ELP4: variants seen among roughly 807,000 people sequenced by gnomAD.
ELP4 encodes elongator acetyltransferase complex subunit 4.
In ELP4, 51 loss-of-function variants were observed where a neutral mutation model predicts 48.9. The observed-to-expected ratio is 1.04, with a 90% CI of 0.83 to 1.32. The LOEUF is 1.32. Among genes scored for constraint, ELP4 ranks in the 40% most tolerant of loss-of-function variants. The probability of loss-of-function intolerance (pLI) is 0.00; values close to 1 mark genes in which losing one functional copy is unlikely to be tolerated. For synonymous variants in ELP4, 210 were observed against 189.2 expected (o/e 1.11, Z -0.90); for missense variants, 519 against 514.6 (o/e 1.01, Z -0.08).
At position 31,539,739 on chromosome 11, in the gene ELP4, T is replaced by G. The variant is rs1438283719; in HGVS notation, c.337T>G (p.Leu113Val). The change falls in exon 3 of 10, where the codon TTG (leucine) becomes GTG (valine). Residue 113 changes from leucine (L) to valine (V), a missense_variant. By Grantham distance (32) the Leu-to-Val change is conservative. Coordinates refer to ENST00000640961, the MANE Select transcript of ELP4 (RefSeq NM_019040.5). ...AGAAGGAATTGTCAATGGGCATACT[T>G]TGTTGGTTGCATCTGCTAAAGAGGA... The part of the protein sequence containing the change: ...LAEGIVNGHT[L>V]LVASAKEDPA... 2.5e-6 allele frequency: 4 copies of G among 1,612,250 alleles called. No homozygotes were observed. In the African/African-American group the frequency reaches 5.3e-5, roughly 22 times the overall value.
At chr11:31,569,658 G>A (rs1331390593) in intron 3 of ELP4, among the ~76,000 whole-genome samples, 2 of 152,092 alleles carry the variant, frequency 1.3e-5, no homozygotes, top group Non-Finnish European at 2.9e-5. Context: ...CCTGGGAGGC[G>A]GAGGTTGCAA....
At chr11:31,616,060 C>T (rs1314223385) in intron 5 of ELP4, among the ~76,000 whole-genome samples, 1 of 151,960 alleles carries the variant, frequency 6.6e-6, no homozygotes, top group African/African-American at 2.4e-5. Context: ...GAAATAGAAA[C>T]AACAGATTTA....
chr11:31,601,048 G>A (rs111268955), intron 4 of ELP4, among the ~76,000 whole-genome samples: 2 of 152,018 alleles, frequency 1.3e-5, no homozygotes, highest in African/African-American at 2.4e-5. Flanking sequence ...TAAAACTAAA[G>A]CAACATGTTC....
chr11:31,537,895 TTG>T (rs1222082284), intron 2 of ELP4, among the ~76,000 whole-genome samples: 2 of 152,202 alleles, frequency 1.3e-5, no homozygotes, highest in Non-Finnish European at 2.9e-5. Context: ...TAGAATTACC[TTG>T]TCAGTTTCTC....
intron 5 of ELP4, among the ~76,000 whole-genome samples, chr11:31,625,266 T>A (rs1252381970): frequency 6.6e-6 from 1 of 151,768 alleles, no homozygotes; most frequent in Non-Finnish European, 1.5e-5. Context: ...GTTGTATACG[T>A]GGTCCATCAT....
At chr11:31,654,729 C>T (rs1945392512) in intron 9 of ELP4, 1 of 151,684 alleles carries the variant, frequency 6.6e-6, no homozygotes, top group Non-Finnish European at 1.5e-5. Context: ...ATGTTTGGTC[C>T]TAGGTTTACT....
At chr11:31,740,336 G>A (rs1417613202) in intron 9 of ELP4, among the ~76,000 whole-genome samples, 1 of 152,228 alleles carries the variant, frequency 6.6e-6, no homozygotes, top group African/African-American at 2.4e-5. Flanking sequence ...ATATATTTAA[G>A]AAGGTGAGAA....
At chr11:31,594,677 A>G (rs1311964159) in intron 3 of ELP4, 93 bp from the exon 4 acceptor site, 2 of 777,076 alleles carry the variant, frequency 2.6e-6, no homozygotes, top group Non-Finnish European at 1.9e-6. Context: ...TTTTCAATAC[A>G]TTGGAAATTT....
At chr11:31,558,775 A>G (rs1479746042) in intron 3 of ELP4, among the ~76,000 whole-genome samples, 1 of 152,154 alleles carries the variant, frequency 6.6e-6, no homozygotes, top group Non-Finnish European at 1.5e-5. Context: ...AATTTAAGAA[A>G]TTTTGTTTTG....
chr11:31,515,037 A>G (rs199623034), intron 1 of ELP4, among the ~76,000 whole-genome samples: 3,839 of 138,812 alleles, frequency 0.028, 128 homozygotes, highest in African/African-American at 0.083. Flanking sequence ...GTGTGTGTAT[A>G]TATATATATA....
At chr11:31,604,608 A>G (rs1430995276) in intron 5 of ELP4, among the ~76,000 whole-genome samples, 7 of 151,928 alleles carry the variant, frequency 4.6e-5, no homozygotes, top group African/African-American at 1.7e-4. Context: ...ACAGATTGTC[A>G]TTTATATTTT....
chr11:31,511,555 C>G (rs1359377379), intron 1 of ELP4: 1 of 152,072 alleles, frequency 6.6e-6, no homozygotes, highest in Non-Finnish European at 1.5e-5. Context: ...AATGGAGTTT[C>G]ATGTTTGAGC....
At chr11:31,694,510 C>T (rs958487098) in intron 9 of ELP4, among the ~76,000 whole-genome samples, 11 of 152,102 alleles carry the variant, frequency 7.2e-5, no homozygotes, top group Non-Finnish European at 1.6e-4. Context: ...CTGTTCTGTT[C>T]CATTGGTCTA....
chr11:31,557,015 A>G (rs1022279246), intron 3 of ELP4, among the ~76,000 whole-genome samples: 2 of 151,938 alleles, frequency 1.3e-5, no homozygotes, highest in Non-Finnish European at 3.0e-5. Context: ...ATAATTGAAA[A>G]TGAATACTCA....
At chr11:31,524,259 C>T (rs183777127) in intron 2 of ELP4, among the ~76,000 whole-genome samples, 1 of 152,280 alleles carries the variant, frequency 6.6e-6, no homozygotes, top group East Asian at 1.9e-4. Flanking sequence ...CTCAGCAAGC[C>T]TACAATATAG....
chr11:31,706,705 T>G (rs1422247294), intron 9 of ELP4, among the ~76,000 whole-genome samples: 1 of 151,642 alleles, frequency 6.6e-6, no homozygotes, highest in Non-Finnish European at 1.5e-5. Context: ...GTACATCCTT[T>G]AACAAGTCTC....
chr11:31,578,180 TC>T (rs1290210969), intron 3 of ELP4, among the ~76,000 whole-genome samples: 1 of 152,104 alleles, frequency 6.6e-6, no homozygotes, highest in Non-Finnish European at 1.5e-5. Context: ...ATGAGTGAAC[TC>T]CCATTCACAA....
chr11:31,550,328 G>T (rs902371778), intron 3 of ELP4, among the ~76,000 whole-genome samples: 3 of 152,016 alleles, frequency 2.0e-5, no homozygotes, highest in Non-Finnish European at 4.4e-5. Context: ...GCGCATGATG[G>T]ATATATTTTT....
intron 9 of ELP4, chr11:31,687,577 T>C (rs974289693): frequency 7.2e-5 from 11 of 152,168 alleles, no homozygotes; most frequent in African/African-American, 1.9e-4. Flanking sequence ...AAAGATCTAA[T>C]GGCTTTTGCA....
Sources: gnomAD v4.1 joint callset for allele counts (sites outside exome capture counted in the v4.1 genomes callset) on GRCh38, gnomAD v4.1.1 for gene constraint, MANE v1.5 for transcripts, NCBI Gene and HGNC (gene_info 2026-07-23, HGNC 2026-07-21) for gene names.